TBC1D19: variants seen among roughly 807,000 people sequenced by gnomAD.
TBC1D19 encodes TBC1 domain family member 19.
In TBC1D19, 60 loss-of-function variants were observed where a neutral mutation model predicts 89.0. The observed-to-expected ratio is 0.67, with a 90% CI of 0.55 to 0.84. The LOEUF (loss-of-function observed/expected upper bound fraction) is 0.84, where lower values mean the gene tolerates loss of function less well. Ranked by LOEUF, TBC1D19 falls within the 40% of genes least tolerant of loss-of-function variation. The pLI is 0.00. For missense variants in TBC1D19, 500 were observed against 610.8 expected, an observed-to-expected ratio of 0.82 and a Z score of 1.91; for synonymous variants, 189 against 199.7, an observed-to-expected ratio of 0.95 and a Z score of 0.45.
intron 11 of TBC1D19, among the ~76,000 whole-genome samples, chr4:26,681,568 A>T (rs573608435): frequency 5.3e-5 from 8 of 152,052 alleles, no homozygotes; most frequent in Non-Finnish European, 1.2e-4. Context: ...ATATATATAT[A>T]TACAGCCTTC....
At position 26,640,156 on chromosome 4, in the gene TBC1D19, G is replaced by T; in HGVS notation, c.449G>T (p.Arg150Ile). Residue 150 changes from arginine (R) to isoleucine (I), a missense_variant, in exon 7 of 21, where the codon AGA (arginine) becomes ATA (isoleucine). Arg to Ile is a moderately conservative substitution (Grantham distance 97). Transcript: ENST00000264866. ...CTTATTCTAGATTTAAGCCTTTTCA[G>T]ACCTGTTTATGCACCTAAGGATTTT... is the stretch of plus-strand genomic sequence containing the variant. ...GTDEPDLSLF[R>I]PVYAPKDFLE... 6.2e-7 allele frequency: 1 copy of T among 1,609,302 alleles called. No homozygotes were observed. Among genetic ancestry groups the T allele is most frequent in the South Asian group, 1.1e-5 (1 of 90,502 alleles).
chr4:26,597,881 G>A (rs1740331428), intron 1 of TBC1D19, among the ~76,000 whole-genome samples: 1 of 151,756 alleles, frequency 6.6e-6, no homozygotes, highest in African/African-American at 2.4e-5. Flanking sequence ...TTAGCTTGTT[G>A]TACTGTTCTT....
chr4:26,854,585 T>C, the TBC1D19 span, among the ~76,000 whole-genome samples: 3 of 152,218 alleles, frequency 2.0e-5, no homozygotes, highest in African/African-American at 7.2e-5. Context: ...TGTTTCAATC[T>C]TCCTTGGAGC....
At chr4:26,582,834 G>A (rs1739142350), upstream of TBC1D19, among the ~76,000 whole-genome samples, 1 of 152,174 alleles carries the variant, frequency 6.6e-6, no homozygotes, top group South Asian at 2.1e-4. Context: ...TATTCTGGAT[G>A]GTGGTGTTAT....
At chr4:26,783,002 A>T in the TBC1D19 span, among the ~76,000 whole-genome samples, 5 of 152,238 alleles carry the variant, frequency 3.3e-5, no homozygotes, top group Admixed American at 3.3e-4. Flanking sequence ...TAAAGAACAT[A>T]GGTACTTATA....
At chr4:26,726,847 A>G (rs1246559494) in intron 15 of TBC1D19, among the ~76,000 whole-genome samples, 1 of 152,174 alleles carries the variant, frequency 6.6e-6, no homozygotes, top group East Asian at 1.9e-4. Flanking sequence ...AGTGCAAAGC[A>G]TGTTAATATT....
At position 26,745,633 on chromosome 4, in the gene TBC1D19, A is replaced by G. The variant is rs895424445; in HGVS notation, c.1320-2778A>G. On this transcript the variant is annotated intron_variant, in intron 18 of 20. Transcript: ENST00000264866. ...GCAATTCCCCTGCCTCAGCCTCCCA[A>G]GTAGCTGGGATTACAGGTGCACGCC... Among the ~76,000 whole-genome samples the G allele has an allele frequency of 6.1e-5, 9 of 148,178 alleles. No homozygotes were observed. In the South Asian group the frequency reaches 6.4e-4, roughly 11 times the overall value.
At chr4:26,600,986 C>G in intron 1 of TBC1D19, among the ~76,000 whole-genome samples, 1 of 152,086 alleles carries the variant, frequency 6.6e-6, no homozygotes, top group East Asian at 1.9e-4. Flanking sequence ...GTAGGTTGGG[C>G]TCTTGAGAGA....
chr4:26,712,381 G>C (rs184049295), intron 13 of TBC1D19, among the ~76,000 whole-genome samples: 4 of 152,072 alleles, frequency 2.6e-5, no homozygotes, highest in African/African-American at 9.6e-5. Context: ...ATAGAACCTA[G>C]TGTATTCCTT....
At chr4:26,624,606 T>C (rs976999701) in intron 4 of TBC1D19, among the ~76,000 whole-genome samples, 5 of 152,206 alleles carry the variant, frequency 3.3e-5, no homozygotes, top group African/African-American at 1.2e-4. Flanking sequence ...CTGCTGCATC[T>C]AGTACACTGG....
At chr4:26,718,044 T>A (rs755482504) in intron 14 of TBC1D19, 27 bp downstream of exon 14, 2 of 1,524,942 alleles carry the variant, frequency 1.3e-6, no homozygotes. Context: ...TTTAAGGAAG[T>A]ATTAAGACTT....
chr4:26,850,413 T>C, the TBC1D19 span, among the ~76,000 whole-genome samples: 2 of 151,028 alleles, frequency 1.3e-5, no homozygotes, highest in Non-Finnish European at 2.9e-5. Flanking sequence ...CCAGGCTTGG[T>C]GGCACACGCC....
chr4:26,667,452 C>T (rs1711911626), intron 9 of TBC1D19, among the ~76,000 whole-genome samples: 1 of 152,034 alleles, frequency 6.6e-6, no homozygotes, highest in Non-Finnish European at 1.5e-5. Flanking sequence ...TAGAAGCATA[C>T]AGTGTGTCTC....
At chr4:26,764,264 G>T in the TBC1D19 span, among the ~76,000 whole-genome samples, 1 of 152,184 alleles carries the variant, frequency 6.6e-6, no homozygotes, top group African/African-American at 2.4e-5. Context: ...ATGACAGTGA[G>T]CATTTAAAGC....
chr4:26,849,291 C>A, the TBC1D19 span, among the ~76,000 whole-genome samples: 1 of 152,092 alleles, frequency 6.6e-6, no homozygotes, highest in Non-Finnish European at 1.5e-5. Context: ...ATGTTGAACA[C>A]AATATGGCTG....
chr4:26,856,748 C>T, the TBC1D19 span, among the ~76,000 whole-genome samples: 5 of 152,182 alleles, frequency 3.3e-5, no homozygotes, highest in Non-Finnish European at 1.5e-5. Context: ...TGTCAACATT[C>T]CTGCTGCTTC....
the TBC1D19 span, among the ~76,000 whole-genome samples, chr4:26,822,629 T>C: frequency 1.3e-5 from 2 of 152,152 alleles, no homozygotes; most frequent in East Asian, 1.9e-4. Context: ...TTTCGACCCC[T>C]CTTGATAACA....
the TBC1D19 span, among the ~76,000 whole-genome samples, chr4:26,842,617 T>TTTCTTTCC: frequency 2.8e-5 from 4 of 144,650 alleles, no homozygotes; most frequent in African/African-American, 1.0e-4. Context: ...TCTTTCTTTC[T>TTTCTTTCC]TTCTTTCTTT....
At chr4:26,582,156 C>T (rs1420440257), upstream of TBC1D19, among the ~76,000 whole-genome samples, 3 of 152,098 alleles carry the variant, frequency 2.0e-5, no homozygotes, top group African/African-American at 4.8e-5. Flanking sequence ...ATTCCCTTGT[C>T]AATAGTACTG....
Sources: gnomAD v4.1 joint callset for allele counts (sites outside exome capture counted in the v4.1 genomes callset) on GRCh38, gnomAD v4.1.1 for gene constraint, MANE v1.5 for transcripts, NCBI Gene and HGNC (gene_info 2026-07-23, HGNC 2026-07-21) for gene names.